Variants in MCPH1 observed in about 807,000 individuals in gnomAD.
MCPH1 encodes microcephalin.
Under a neutral mutation model 84.5 loss-of-function variants are expected in MCPH1, and 104 were observed. The ratio of observed to expected loss-of-function variants is 1.23; its 90% CI spans 1.05 to 1.45. MCPH1 has a LOEUF of 1.45. Among genes scored for constraint, MCPH1 ranks in the 40% most tolerant of loss-of-function variants. The pLI is 0.00. For synonymous variants in MCPH1, 514 were observed against 366.8 expected (o/e 1.40, Z -4.58); for missense variants, 1,498 against 1,005.7 (o/e 1.49, Z -6.62).
At chr8:6,504,235 G>A (rs967073477) in intron 12 of MCPH1, among the ~76,000 whole-genome samples, 2 of 146,694 alleles carry the variant, frequency 1.4e-5, no homozygotes, top group Non-Finnish European at 3.0e-5. Context: ...GGAGAATGGC[G>A]TGAACCCGGG....
chr8:6,408,861 C>CTGTAG (rs1798125410), intron 1 of MCPH1, among the ~76,000 whole-genome samples: 1 of 150,938 alleles, frequency 6.6e-6, no homozygotes, highest in African/African-American at 2.4e-5. Context: ...CACACCTGGC[C>CTGTAG]AGTAGAGTAA....
chr8:6,439,948 G>A (rs973301401), intron 6 of MCPH1, among the ~76,000 whole-genome samples: 2 of 152,174 alleles, frequency 1.3e-5, no homozygotes, highest in Non-Finnish European at 2.9e-5. Context: ...CAGTGTATCA[G>A]ATATCTGTGT....
At chr8:6,431,619 A>G (rs368578018) in intron 4 of MCPH1, 33 bp downstream of exon 4, 40 of 1,367,124 alleles carry the variant, frequency 2.9e-5, no homozygotes, top group Non-Finnish European at 3.7e-5. Context: ...GATAATGGCA[A>G]TTAGGAATTT....
At chr8:6,538,320 G>A (rs565429659) in intron 12 of MCPH1, among the ~76,000 whole-genome samples, 5 of 151,978 alleles carry the variant, frequency 3.3e-5, no homozygotes, top group South Asian at 2.1e-4. Context: ...CCATCTTCCC[G>A]CCCAGGGTCC....
chr8:6,419,211 T>C (rs1024948615), intron 3 of MCPH1, among the ~76,000 whole-genome samples: 12 of 151,054 alleles, frequency 7.9e-5, no homozygotes, highest in East Asian at 3.9e-4. Context: ...CAAATACTTA[T>C]TTGACAGTAT....
At chr8:6,612,686 G>C (rs1369285306) in intron 12 of MCPH1, among the ~76,000 whole-genome samples, 1 of 152,148 alleles carries the variant, frequency 6.6e-6, no homozygotes, top group Non-Finnish European at 1.5e-5. Context: ...TGGTGTTCTG[G>C]GCGCCTCCTC....
intron 13 of MCPH1, among the ~76,000 whole-genome samples, chr8:6,628,928 T>C (rs1316611383): frequency 6.6e-6 from 1 of 152,234 alleles, no homozygotes; most frequent in African/African-American, 2.4e-5. Context: ...CTTTGGAGTA[T>C]GCTGAACTTG....
intron 12 of MCPH1, among the ~76,000 whole-genome samples, chr8:6,576,682 ATTTTTTTTTTTTTTTTTTTTTTTTT>A (rs58486084): frequency 0.15 from 6,489 of 42,446 alleles, 549 homozygotes; most frequent in African/African-American, 0.33. Context: ...TAATTTTTGT[ATTTTTTTTTTTTTTTTTTTTTTTTT>A]TTTTTTTTTT....
At chr8:6,505,315 T>G in intron 12 of MCPH1, among the ~76,000 whole-genome samples, 4 of 91,140 alleles carry the variant, frequency 4.4e-5, no homozygotes, top group African/African-American at 2.2e-4. Flanking sequence ...ATATAACATA[T>G]ATATGTTATA....
At chr8:6,523,681 C>G (rs963981702) in intron 12 of MCPH1, among the ~76,000 whole-genome samples, 5 of 152,118 alleles carry the variant, frequency 3.3e-5, no homozygotes, top group Non-Finnish European at 4.4e-5. Context: ...CCTCCGCCTC[C>G]CGGATTCAAG....
At chr8:6,440,494 G>C (rs1803348048) in intron 6 of MCPH1, among the ~76,000 whole-genome samples, 1 of 152,102 alleles carries the variant, frequency 6.6e-6, no homozygotes, top group Non-Finnish European at 1.5e-5. Flanking sequence ...CAAGTAGCTA[G>C]GAATACAGGT....
intron 11 of MCPH1, among the ~76,000 whole-genome samples, chr8:6,488,632 T>C (rs1203064105): frequency 6.6e-6 from 1 of 152,124 alleles, no homozygotes; most frequent in Non-Finnish European, 1.5e-5. Flanking sequence ...GCTGCACCTT[T>C]GCAAGAAAGA....
intron 2 of MCPH1, 34 bp downstream of exon 2, chr8:6,409,404 C>G (rs754143248): frequency 2.7e-6 from 4 of 1,484,674 alleles, no homozygotes; most frequent in Non-Finnish European, 2.8e-6. Context: ...ATTCATATGA[C>G]AGTCTTCTGA....
chr8:6,433,796 A>G (rs535498296), intron 4 of MCPH1, among the ~76,000 whole-genome samples: 1 of 152,020 alleles, frequency 6.6e-6, no homozygotes, highest in African/African-American at 2.4e-5. Flanking sequence ...CTCTTTTCCA[A>G]ATGTAATTGC....
chr8:6,440,864 C>A (rs1439371587), intron 6 of MCPH1, among the ~76,000 whole-genome samples: 1 of 152,172 alleles, frequency 6.6e-6, no homozygotes, highest in Non-Finnish European at 1.5e-5. Context: ...GTGTTACAAT[C>A]GATAGAATTG....
At chr8:6,538,132 C>T (rs7014586) in intron 12 of MCPH1, among the ~76,000 whole-genome samples, 2,165 of 152,170 alleles carry the variant, frequency 0.014, 45 homozygotes, top group African/African-American at 0.048. Context: ...ATGATCCATC[C>T]ATCTTCCCAC....
chr8:6,406,826 G>A (rs1388279149), intron 1 of MCPH1, 137 bp downstream of exon 1: 12 of 770,806 alleles, frequency 1.6e-5, no homozygotes, highest in Admixed American at 5.1e-5. Flanking sequence ...CAGACCCCCT[G>A]CCGCCTCCTT....
chr8:6,535,107 G>T (rs1224760983), intron 12 of MCPH1, among the ~76,000 whole-genome samples: 1 of 152,130 alleles, frequency 6.6e-6, no homozygotes, highest in Non-Finnish European at 1.5e-5. Context: ...TTACAAAGTG[G>T]TATAAATAAA....
At chr8:6,508,145 A>G (rs1247476031) in intron 12 of MCPH1, 9 of 152,178 alleles carry the variant, frequency 5.9e-5, no homozygotes, top group Non-Finnish European at 1.3e-4. Flanking sequence ...TATTAATGGA[A>G]TCTTTTTTAA....
Sources: allele counts gnomAD v4.1 joint callset (sites outside exome capture counted in the v4.1 genomes callset), GRCh38; gene constraint gnomAD v4.1.1; transcripts MANE v1.5; gene names NCBI Gene and HGNC (gene_info 2026-07-23, HGNC 2026-07-21).